Variants in PTPRE observed in about 807,000 individuals in gnomAD.
The protein encoded by PTPRE is protein tyrosine phosphatase receptor type E, also known as receptor-type tyrosine-protein phosphatase epsilon.
Under a neutral mutation model 102.0 loss-of-function variants are expected in PTPRE, and 51 were observed. The observed-to-expected ratio is 0.50, with a 90% CI of 0.40 to 0.63. The LOEUF (loss-of-function observed/expected upper bound fraction) is 0.63, where lower values mean the gene tolerates loss of function less well. PTPRE is among the 30% of genes least tolerant of loss of function. The probability of loss-of-function intolerance (pLI) is 0.00; values close to 1 mark genes in which losing one functional copy is unlikely to be tolerated. For missense variants in PTPRE, 752 were observed against 915.1 expected (o/e 0.82, Z 2.30); for synonymous variants, 345 against 348.2 (o/e 0.99, Z 0.10).
rs1192851273 is a variant in PTPRE, at chr10:127,961,719, C to A, written c.-30-20555C>A. Reference sequence around the variant, plus strand: ...CCAGCGTCTTGTCTGTCCCTTCCTACCTGTCACTGCACTTGGTAGTCACAT... The same window carrying A: ...CCAGCGTCTTGTCTGTCCCTTCCTAACTGTCACTGCACTTGGTAGTCACAT... On this transcript the variant is annotated intron_variant, in intron 1 of 20. Transcript: ENST00000254667. Among the ~76,000 whole-genome samples, 5 of 152,302 alleles carry A rather than the reference C, an allele frequency of 3.3e-5. No homozygotes were observed. In the East Asian group the frequency reaches 9.7e-4, roughly 29 times the overall value.
chr10:128,052,237 G>A (rs187444417), intron 6 of PTPRE, among the ~76,000 whole-genome samples: 257 of 152,210 alleles, frequency 1.7e-3, no homozygotes, highest in Middle Eastern at 6.8e-3. Flanking sequence ...TTCTCTTGCC[G>A]TCTGATCTGA....
chr10:127,960,222 G>C (rs1018818161), intron 1 of PTPRE, among the ~76,000 whole-genome samples: 1 of 152,174 alleles, frequency 6.6e-6, no homozygotes, highest in Non-Finnish European at 1.5e-5. Context: ...TGAAGGACGA[G>C]GCTGGCTGTG....
chr10:128,052,754 G>A (rs1024912167), intron 6 of PTPRE, among the ~76,000 whole-genome samples: 6 of 152,118 alleles, frequency 3.9e-5, no homozygotes, highest in Admixed American at 6.6e-5. Context: ...ACACTGATAC[G>A]TGCTGTAAAA....
intron 2 of PTPRE, among the ~76,000 whole-genome samples, chr10:127,995,227 G>T (rs1853126983): frequency 1.3e-5 from 2 of 152,166 alleles, no homozygotes; most frequent in Non-Finnish European, 2.9e-5. Flanking sequence ...TCTCAGAGAG[G>T]AGAACCCAAA....
chr10:127,937,199 T>C (rs980960256), intron 1 of PTPRE, among the ~76,000 whole-genome samples: 2 of 152,220 alleles, frequency 1.3e-5, no homozygotes, highest in African/African-American at 4.8e-5. Flanking sequence ...TTAACTTGTA[T>C]TTATTCACAT....
At chr10:128,002,073 C>G (rs1853970062) in intron 2 of PTPRE, among the ~76,000 whole-genome samples, 1 of 152,204 alleles carries the variant, frequency 6.6e-6, no homozygotes, top group East Asian at 1.9e-4. Flanking sequence ...AGCACAGATC[C>G]AGGCCGTGCC....
At chr10:128,062,069 C>G (rs1849649501) in intron 9 of PTPRE, among the ~76,000 whole-genome samples, 1 of 152,180 alleles carries the variant, frequency 6.6e-6, no homozygotes, top group Admixed American at 6.5e-5. Context: ...AGATCAAGGC[C>G]ATAACTAAGA....
chr10:127,922,332 G>C (rs373419609), intron 1 of PTPRE, among the ~76,000 whole-genome samples: 113 of 152,346 alleles, frequency 7.4e-4, no homozygotes, highest in African/African-American at 2.5e-3. Flanking sequence ...CTTTGCCGCC[G>C]GACACCTAAC....
chr10:127,992,594 C>T (rs1434054856), intron 2 of PTPRE, among the ~76,000 whole-genome samples: 2 of 152,166 alleles, frequency 1.3e-5, no homozygotes, highest in African/African-American at 4.8e-5. Flanking sequence ...GGCCTCGGGG[C>T]ACTCAGGAAA....
At chr10:128,065,126 G>A (rs1026388151) in intron 10 of PTPRE, among the ~76,000 whole-genome samples, 19 of 132,916 alleles carry the variant, frequency 1.4e-4, no homozygotes, top group African/African-American at 3.6e-4. Flanking sequence ...AGCCCCGCCC[G>A]GAGCCAGGTG....
intron 5 of PTPRE, among the ~76,000 whole-genome samples, chr10:128,048,675 C>T (rs1190911632): frequency 6.6e-6 from 1 of 152,094 alleles, no homozygotes; most frequent in Admixed American, 6.6e-5. Flanking sequence ...GGTTCCCTGC[C>T]CTGAATGTTT....
intron 1 of PTPRE, among the ~76,000 whole-genome samples, chr10:127,929,083 T>G (rs1396701342): frequency 6.6e-6 from 1 of 152,234 alleles, no homozygotes; most frequent in Non-Finnish European, 1.5e-5. Flanking sequence ...TACTTAATCT[T>G]AAAAGCAAAA....
intron 2 of PTPRE, among the ~76,000 whole-genome samples, chr10:128,002,649 T>C (rs962814131): frequency 6.7e-6 from 1 of 148,548 alleles, no homozygotes; most frequent in African/African-American, 2.5e-5. Context: ...TGATGCAATG[T>C]CAATTGTCTT....
intron 1 of PTPRE, among the ~76,000 whole-genome samples, chr10:127,966,875 C>T (rs1850295894): frequency 6.6e-6 from 1 of 152,192 alleles, no homozygotes. Context: ...ATATGACCAA[C>T]ACCTTGAAAA....
chr10:128,018,189 C>G (rs1348947086), intron 2 of PTPRE, among the ~76,000 whole-genome samples: 1 of 150,876 alleles, frequency 6.6e-6, no homozygotes, highest in Non-Finnish European at 1.5e-5. Flanking sequence ...AGCTTTGGGG[C>G]GGGGGGCATG....
intron 6 of PTPRE, among the ~76,000 whole-genome samples, chr10:128,052,652 A>T (rs138426426): frequency 1.3e-5 from 2 of 152,266 alleles, no homozygotes; most frequent in East Asian, 3.9e-4. Context: ...GAAAGTGAGC[A>T]CCACTGGGCC....
intron 2 of PTPRE, among the ~76,000 whole-genome samples, chr10:127,992,443 G>A (rs938850853): frequency 1.3e-5 from 2 of 152,144 alleles, no homozygotes; most frequent in African/African-American, 4.8e-5. Flanking sequence ...AAAATACAAA[G>A]GGTGGCAGCT....
intron 1 of PTPRE, among the ~76,000 whole-genome samples, chr10:127,956,143 C>G (rs1356940188): frequency 6.6e-6 from 1 of 152,128 alleles, no homozygotes; most frequent in Non-Finnish European, 1.5e-5. Context: ...AGTATGATTT[C>G]AGGAGTTGCA....
intron 1 of PTPRE, among the ~76,000 whole-genome samples, chr10:127,973,776 G>A (rs1443357664): frequency 4.6e-5 from 7 of 152,080 alleles, no homozygotes; most frequent in South Asian, 2.1e-4. Context: ...ATAGCTCTGC[G>A]CCTGAACGCC....
Sources: allele counts gnomAD v4.1 joint callset (sites outside exome capture counted in the v4.1 genomes callset), GRCh38; gene constraint gnomAD v4.1.1; transcripts MANE v1.5; gene names NCBI Gene and HGNC (gene_info 2026-07-23, HGNC 2026-07-21).